The following CLTC variants were observed in gnomAD, a reference collection of about 807,000 sequenced individuals.
CLTC encodes clathrin heavy chain 1.
CLTC carries 16 observed loss-of-function variants against 195.8 expected under a neutral mutation model. The ratio of observed to expected loss-of-function variants is 0.08; its 90% CI spans 0.06 to 0.12. The LOEUF is 0.12. Ranked by LOEUF, CLTC falls within the 10% of genes least tolerant of loss-of-function variation. CLTC has a pLI of 1.00. For synonymous variants in CLTC, 667 were observed against 689.4 expected (o/e 0.97, Z 0.51); for missense variants, 796 against 2,027.0 (o/e 0.39, Z 11.66).
rs1335438989 is a variant in CLTC, at chr17:59,683,184, T to C, written c.3963T>C (p.Ala1321=). Reference sequence around the variant, plus strand: ...ACATGGGAATGTTTACTGAATTAGCTATTCTATACTCTAAATTTAAGCCTC... The same window carrying C: ...ACATGGGAATGTTTACTGAATTAGCCATTCTATACTCTAAATTTAAGCCTC... ...RAHMGMFTEL[A]ILYSKFKPQK... The change falls in exon 25 of 32, where the codon GCT becomes GCC. Residue 1321 remains alanine, a synonymous_variant. Coordinates refer to ENST00000269122, the MANE Select transcript of CLTC (RefSeq NM_004859.4). The surrounding 1 kb of genome is among the most constrained non-coding windows in gnomAD (Gnocchi z 6.1). 3 of 1,614,026 alleles carry C rather than the reference T, an allele frequency of 1.9e-6. No individual in the cohort carries two copies. The highest frequency in any genetic ancestry group is 1.7e-6 in the Non-Finnish European group (2 of 1,180,004).
chr17:59,669,734 AT>A (rs1181638828), intron 14 of CLTC, among the ~76,000 whole-genome samples: 1 of 96,906 alleles, frequency 1.0e-5, no homozygotes, highest in Non-Finnish European at 3.0e-5. Context: ...CTATATATAT[AT>A]ATAATGATTC....
intron 17 of CLTC, 148 bp from the exon 18 acceptor site, chr17:59,679,249 A>T: frequency 1.8e-6 from 1 of 562,494 alleles, no homozygotes; most frequent in Non-Finnish European, 3.0e-6. Context: ...ACAGTATATT[A>T]CTGGTACATG....
At chr17:59,688,526 G>A (rs1324211060) in intron 30 of CLTC, among the ~76,000 whole-genome samples, 2 of 150,936 alleles carry the variant, frequency 1.3e-5, no homozygotes, top group African/African-American at 4.9e-5. Flanking sequence ...CTTTTTTTTT[G>A]AGCAATCTAA....
intron 5 of CLTC, among the ~76,000 whole-genome samples, chr17:59,651,799 G>T (rs989543268): frequency 6.6e-6 from 1 of 152,214 alleles, no homozygotes; most frequent in Non-Finnish European, 1.5e-5. Context: ...GTTGCTGAAG[G>T]TTGAGGTGGC....
At chr17:59,630,552 T>C (rs934336242) in intron 1 of CLTC, among the ~76,000 whole-genome samples, 1 of 152,120 alleles carries the variant, frequency 6.6e-6, no homozygotes, top group Admixed American at 6.6e-5. Flanking sequence ...GGAGACCCCA[T>C]ACACGTGAAG....
At chr17:59,664,521 A>C (rs1042343355) in intron 9 of CLTC, among the ~76,000 whole-genome samples, 1 of 149,836 alleles carries the variant, frequency 6.7e-6, no homozygotes, top group South Asian at 2.1e-4. Context: ...TCTGCACTCC[A>C]GCTTGGATGA....
At chr17:59,630,050 G>T (rs1378318283) in intron 1 of CLTC, among the ~76,000 whole-genome samples, 1 of 152,020 alleles carries the variant, frequency 6.6e-6, no homozygotes, top group Non-Finnish European at 1.5e-5. Context: ...GTCTCAAGTG[G>T]AGTACAGTGG....
chr17:59,644,240 C>T (rs1259307074), intron 1 of CLTC, 36 bp from the exon 2 acceptor site: 20 of 1,564,496 alleles, frequency 1.3e-5, no homozygotes, highest in Non-Finnish European at 1.8e-5. Context: ...TCTTTGGAAT[C>T]CACTTGGTAA....
At chr17:59,646,645 G>A (rs776686458) in intron 2 of CLTC, among the ~76,000 whole-genome samples, 2 of 152,140 alleles carry the variant, frequency 1.3e-5, no homozygotes, top group Non-Finnish European at 2.9e-5. Context: ...CAAACTACAA[G>A]TACAAGCCTT....
In CLTC at chr17:59,696,819, T is replaced by C. The variant is rs1483654874; in HGVS notation, c.*2967T>C. ...GGTTACTCAAGTTTCAGTGGCTTCA[T>C]TGTTACAAGAAAGGGGGGAAGTGAG... is the stretch of plus-strand genomic sequence containing the variant. On this transcript the variant is annotated 3_prime_UTR_variant, in exon 32 of 32. Coordinates refer to ENST00000269122, the MANE Select transcript of CLTC (RefSeq NM_004859.4). 1.5e-5 allele frequency: 3 copies of C among 203,312 alleles called. No homozygotes were observed. Among genetic ancestry groups the C allele is most frequent in the African/African-American group, 2.3e-5 (1 of 43,766 alleles). The allele number at this position is 203,312 out of a possible 1,614,324, so 12.6% of individuals were successfully genotyped here. A position where few individuals can be genotyped will look rare whatever the true frequency, so the allele number is the denominator to read the frequency against.
chr17:59,685,855 A>G lies in CLTC; in HGVS notation c.4827+47A>G. 7.5e-7 allele frequency: 1 copy of G among 1,331,340 alleles called. No individual in the cohort carries two copies. The highest frequency in any genetic ancestry group is 1.0e-6 in the Non-Finnish European group (1 of 963,228). The allele number at this position is 1,331,340 out of a possible 1,614,324, so 82.5% of individuals were successfully genotyped here. A position where few individuals can be genotyped will look rare whatever the true frequency, so the allele number is the denominator to read the frequency against. ...TTCAGAACTAGTTTCCTTGCATGTA[A>G]AATTCTACATGCACATTAATTTTTT... On this transcript the variant is annotated intron_variant, in intron 30 of 31. Coordinates refer to ENST00000269122, the MANE Select transcript of CLTC (RefSeq NM_004859.4). This position sits in a 1 kb window ranked among gnomAD's most constrained non-coding sequence, Gnocchi z 5.0.
Position 59,681,189 on chromosome 17 carries a change from T to A in CLTC, c.3066-106T>A, listed in dbSNP as rs529947353. On this transcript the variant is annotated intron_variant, in intron 19 of 31. Transcript: ENST00000269122. The surrounding 1 kb of genome is among the most constrained non-coding windows in gnomAD (Gnocchi z 5.0). ...CTCACTCTTCTAATATCCTCCCCCC[T>A]ACCCTACCTCTTGAGACAAAAACCT... 662 of 1,440,452 alleles carry A rather than the reference T, an allele frequency of 4.6e-4. 10 individuals are homozygous for A. The South Asian group carries it at 8.4e-3, about 18-fold the overall frequency. 89.2% of individuals were successfully genotyped at this position (1,440,452 alleles called of 1,614,324 possible). A position where few individuals can be genotyped will look rare whatever the true frequency, so the allele number is the denominator to read the frequency against.
intron 14 of CLTC, 94 bp from the exon 15 acceptor site, chr17:59,673,553 C>T: frequency 3.3e-6 from 3 of 906,026 alleles, no homozygotes; most frequent in South Asian, 3.3e-5. Flanking sequence ...GTGTGAGCCT[C>T]TCTTGTTAGC....
chr17:59,656,370 A>G (rs2032465042), intron 6 of CLTC: 1 of 158,784 alleles, frequency 6.3e-6, no homozygotes, highest in Admixed American at 6.8e-5. Context: ...ATGCAAAGAA[A>G]CAATTTAGGG....
chr17:59,684,006 C>A, intron 28 of CLTC, 21 bp downstream of exon 28: 1 of 1,395,746 alleles, frequency 7.2e-7, no homozygotes, highest in Non-Finnish European at 1.0e-6. Flanking sequence ...TTGATTCTTG[C>A]ACATAATCTC....
chr17:59,681,220 T>G lies in CLTC; in HGVS notation c.3066-75T>G. On this transcript the variant is annotated intron_variant, in intron 19 of 31. Transcript: ENST00000269122. This position sits in a 1 kb window ranked among gnomAD's most constrained non-coding sequence, Gnocchi z 5.0. ...ACCTCTTGAGACAAAAACCTCTCCG[T>G]TAGTCACAGTGGTTATTTTTTATGT... The G allele has an allele frequency of 6.7e-7, 1 of 1,496,050 alleles. No individual in the cohort carries two copies. Among genetic ancestry groups the G allele is most frequent in the Non-Finnish European group, 9.1e-7 (1 of 1,101,060 alleles). 92.7% of individuals were successfully genotyped at this position (1,496,050 alleles called of 1,614,324 possible).
In CLTC at chr17:59,682,884, C is replaced by A; in HGVS notation, c.3766-23C>A. 1 of 1,612,190 alleles carries A rather than the reference C, an allele frequency of 6.2e-7. No homozygotes were observed. The highest frequency in any genetic ancestry group is 8.5e-7 in the Non-Finnish European group (1 of 1,178,718). On this transcript the variant is annotated intron_variant, in intron 23 of 31. Transcript: ENST00000269122. The surrounding 1 kb of genome is among the most constrained non-coding windows in gnomAD (Gnocchi z 6.8). The stretch of plus-strand genomic sequence containing the variant: ...TAGCCATGTTTTACATTTGAGTTCA[C>A]AGAAAGGAAATGTTTATTCTAGGTC...
At position 59,696,499 on chromosome 17, in the gene CLTC, T is replaced by TGTCA. The variant is rs914501920; in HGVS notation, c.*2650_*2653dup. ...GGGATACACTGATTTTAGAAATTAC[T>TGTCA]GTCAGTATCCTCCTAAAAGAAGGCT... On this transcript the variant is annotated 3_prime_UTR_variant, in exon 32 of 32. Transcript: ENST00000269122. 9.8e-6 allele frequency: 2 copies of TGTCA among 203,918 alleles called. No individual in the cohort carries two copies. The highest frequency in any genetic ancestry group is 2.5e-5 in the African/African-American group (1 of 40,598). The allele number at this position is 203,918 out of a possible 1,614,324, so 12.6% of individuals were successfully genotyped here. A position where few individuals can be genotyped will look rare whatever the true frequency, so the allele number is the denominator to read the frequency against.
At chr17:59,650,483 C>CTTTT (rs35425747) in intron 4 of CLTC, among the ~76,000 whole-genome samples, 15 of 116,848 alleles carry the variant, frequency 1.3e-4, no homozygotes, top group East Asian at 2.9e-4. Context: ...ATTCAGATGA[C>CTTTT]TTTTTTTTTT....
Sources: gnomAD v4.1 joint callset for allele counts (sites outside exome capture counted in the v4.1 genomes callset) on GRCh38, gnomAD v4.1.1 for gene constraint, Gnocchi (gnomAD v3.1) non-coding constraint, MANE v1.5 for transcripts, NCBI Gene and HGNC (gene_info 2026-07-23, HGNC 2026-07-21) for gene names.